The following RERE variants were observed in gnomAD, a reference collection of about 807,000 sequenced individuals.
RERE encodes arginine-glutamic acid dipeptide repeats, also known as arginine-glutamic acid dipeptide repeats protein.
A neutral mutation model predicts 146.1 loss-of-function variants in RERE; 40 were observed. The observed-to-expected ratio is 0.27, with a 90% CI of 0.21 to 0.36. The LOEUF (loss-of-function observed/expected upper bound fraction) is 0.36, where lower values mean the gene tolerates loss of function less well. RERE is among the 10% of genes least tolerant of loss of function. The pLI, the probability that RERE is intolerant of heterozygous loss-of-function variation, is 1.00. For missense variants in RERE, 1,933 were observed against 2,138.7 expected (o/e 0.90, Z 1.90); for synonymous variants, 1,003 against 866.0 (o/e 1.16, Z -2.78).
chr1:8,662,301 A>G (rs1311045444), intron 1 of RERE, among the ~76,000 whole-genome samples: 1 of 152,196 alleles, frequency 6.6e-6, no homozygotes, highest in African/African-American at 2.4e-5. Flanking sequence ...ACCCCCAAAC[A>G]TCTCACACTA....
chr1:8,529,289 T>TC (rs1397174349), intron 7 of RERE, among the ~76,000 whole-genome samples: 3 of 22,202 alleles, frequency 1.4e-4, no homozygotes, highest in Non-Finnish European at 3.3e-4. Context: ...TCTCCCTTCT[T>TC]TTTTTTTTTT....
intron 11 of RERE, among the ~76,000 whole-genome samples, chr1:8,453,516 T>C (rs1177848051): frequency 1.3e-5 from 2 of 152,114 alleles, no homozygotes; most frequent in Non-Finnish European, 1.5e-5. Flanking sequence ...CTTATCAAGA[T>C]CTCCTTAGGC....
intron 1 of RERE, among the ~76,000 whole-genome samples, chr1:8,676,950 C>A (rs1217378535): frequency 1.3e-5 from 2 of 152,118 alleles, no homozygotes; most frequent in Admixed American, 6.5e-5. Flanking sequence ...GGCCCAATTT[C>A]CTCCTTCAAG....
chr1:8,398,670 A>C (rs72866022), intron 12 of RERE, among the ~76,000 whole-genome samples: 2,346 of 152,204 alleles, frequency 0.015, 72 homozygotes, highest in African/African-American at 0.054. Flanking sequence ...GTCTTCCCCA[A>C]CTCTGGAAGA....
intron 1 of RERE, among the ~76,000 whole-genome samples, chr1:8,659,327 C>T (rs1227730717): frequency 6.6e-6 from 1 of 152,222 alleles, no homozygotes; most frequent in Non-Finnish European, 1.5e-5. Flanking sequence ...GAGGCTGAAG[C>T]GGGCGGATCA....
intron 12 of RERE, among the ~76,000 whole-genome samples, chr1:8,404,203 G>A (rs1322710270): frequency 6.6e-6 from 1 of 152,124 alleles, no homozygotes; most frequent in African/African-American, 2.4e-5. Flanking sequence ...GCTGAGGTGG[G>A]TGAATCACAA....
chr1:8,757,156 T>C (rs1640660014), intron 1 of RERE, among the ~76,000 whole-genome samples: 1 of 148,268 alleles, frequency 6.7e-6, no homozygotes, highest in Non-Finnish European at 1.5e-5. Flanking sequence ...AGATGGAAGA[T>C]AATGAAGCTA....
At chr1:8,723,940 C>T (rs1045400656) in intron 1 of RERE, among the ~76,000 whole-genome samples, 3 of 152,154 alleles carry the variant, frequency 2.0e-5, no homozygotes, top group Admixed American at 6.5e-5. Flanking sequence ...GAATTCCTTC[C>T]CTTAAATGAA....
rs138111959 is a variant in RERE at position 8,655,897 on chromosome 1, G to A, written c.325+76C>T. On this transcript the variant is annotated intron_variant, in intron 2 of 22. Transcript: ENST00000400908. ...AAGCCTTCCTTAAAGTGTACAAAGC[G>A]TATTTATTTCACCATAATGCCAAGA... The A allele has an allele frequency of 1.7e-4, 263 of 1,546,608 alleles. No individual in the cohort carries two copies. The African/African-American group carries it at 2.5e-3, about 15-fold the overall frequency.
chr1:8,371,771 C>T (rs1268798371), intron 12 of RERE, among the ~76,000 whole-genome samples: 1 of 152,224 alleles, frequency 6.6e-6, no homozygotes, highest in Non-Finnish European at 1.5e-5. Flanking sequence ...GGGCTGCCTA[C>T]CTCCTAGAGG....
intron 1 of RERE, among the ~76,000 whole-genome samples, chr1:8,711,719 T>C (rs1639672054): frequency 6.6e-6 from 1 of 152,154 alleles, no homozygotes; most frequent in Non-Finnish European, 1.5e-5. Flanking sequence ...ATAAAATCAG[T>C]GTGGAGATCC....
At position 8,361,874 on chromosome 1, in the gene RERE, C is replaced by G; in HGVS notation, c.1905G>C (p.Lys635Asn). Residue 635 changes from lysine to asparagine, a missense_variant and splice_region_variant, in exon 17 of 23, where the codon AAG becomes AAC. Coordinates refer to ENST00000400908, the MANE Select transcript of RERE (RefSeq NM_001042681.2). Reference sequence around the variant, plus strand: ...GAGGGGAAGAGGCTTCCTCCTTCACCTTCTGCAGGGGAAAAGCCCACAAGG... The same window carrying G: ...GAGGGGAAGAGGCTTCCTCCTTCACGTTCTGCAGGGGAAAAGCCCACAAGG... ...KAETVKKSAK[K>N]VKEEASSPLK... 1 of 1,611,314 alleles carries G rather than the reference C, an allele frequency of 6.2e-7. No individual in the cohort carries two copies. Among genetic ancestry groups the G allele is most frequent in the Non-Finnish European group, 8.5e-7 (1 of 1,177,492 alleles).
At chr1:8,485,884 C>T (rs957799982) in intron 10 of RERE, among the ~76,000 whole-genome samples, 8 of 151,104 alleles carry the variant, frequency 5.3e-5, no homozygotes, top group African/African-American at 1.7e-4. Flanking sequence ...CTGCAATCTC[C>T]GCCTCCCAGA....
chr1:8,665,616 TAA>T (rs1638552885), intron 1 of RERE, among the ~76,000 whole-genome samples: 1 of 152,048 alleles, frequency 6.6e-6, no homozygotes, highest in African/African-American at 2.4e-5. Flanking sequence ...GAACTTCACT[TAA>T]GAGAGTGTTC....
intron 4 of RERE, among the ~76,000 whole-genome samples, chr1:8,601,173 C>T (rs918427652): frequency 6.6e-6 from 1 of 151,876 alleles, no homozygotes; most frequent in African/African-American, 2.4e-5. Flanking sequence ...GCGTGCGCCA[C>T]CATGCCCGGC....
rs762132311 is a variant in RERE at position 8,495,069 on chromosome 1, C to T, written c.1098G>A (p.Leu366=). 5.6e-6 allele frequency: 9 copies of T among 1,609,566 alleles called. No homozygotes were observed. The African/African-American group carries it at 1.2e-4, about 22-fold the overall frequency. ...ASRDDTTLNA[L]NTLHESGYDA... is the part of the protein sequence containing the mutation. ...GTGACTTCAAAAGACTTACTGTGTT[C>T]AGTGCATTCAGAGTGGTGTCATCCC... is the stretch of plus-strand genomic sequence containing the variant. The change falls in exon 10 of 23, where the codon CTG becomes CTA. Residue 366 remains leucine, a synonymous_variant. Coordinates refer to ENST00000400908, the MANE Select transcript of RERE (RefSeq NM_001042681.2).
chr1:8,371,760 G>A (rs1224205447), intron 12 of RERE, among the ~76,000 whole-genome samples: 4 of 152,206 alleles, frequency 2.6e-5, no homozygotes, highest in African/African-American at 9.7e-5. Flanking sequence ...AACAGGGGCC[G>A]GGGCTGCCTA....
At chr1:8,603,355 A>C (rs1221921332) in intron 4 of RERE, among the ~76,000 whole-genome samples, 2 of 152,270 alleles carry the variant, frequency 1.3e-5, no homozygotes, top group Non-Finnish European at 2.9e-5. Context: ...TCTGAGTGGC[A>C]ATAACTGAAA....
chr1:8,690,298 A>G (rs1639182210), intron 1 of RERE, among the ~76,000 whole-genome samples: 2 of 152,104 alleles, frequency 1.3e-5, no homozygotes, highest in African/African-American at 4.8e-5. Flanking sequence ...CTCTTCTTAT[A>G]AGGACACTAA....
Sources: allele counts gnomAD v4.1 joint callset (sites outside exome capture counted in the v4.1 genomes callset), GRCh38; gene constraint gnomAD v4.1.1; transcripts MANE v1.5; gene names NCBI Gene and HGNC (gene_info 2026-07-23, HGNC 2026-07-21).